LIPA: variants seen among roughly 807,000 people sequenced by gnomAD.
The protein encoded by LIPA is lipase A, lysosomal acid type.
Under a neutral mutation model 40.6 loss-of-function variants are expected in LIPA, and 26 were observed. The observed-to-expected ratio is 0.64, with a 90% confidence interval of 0.47 to 0.89. The LOEUF (loss-of-function observed/expected upper bound fraction) is 0.89. Ranked by LOEUF, LIPA falls within the 40% of genes least tolerant of loss-of-function variation. LIPA has a pLI of 0.00. For synonymous variants in LIPA, 188 were observed against 168.4 expected (o/e 1.12, Z -0.90); for missense variants, 455 against 479.6 (o/e 0.95, Z 0.48).
chr10:89,300,507 A>T (rs1014461256), intron 1 of LIPA, among the ~76,000 whole-genome samples: 1 of 152,212 alleles, frequency 6.6e-6, no homozygotes, highest in Non-Finnish European at 1.5e-5. Flanking sequence ...CTTTGCACGT[A>T]ACAAACACTC....
chr10:89,231,228 A>G (rs958462037), intron 3 of LIPA, among the ~76,000 whole-genome samples: 1 of 152,236 alleles, frequency 6.6e-6, no homozygotes, highest in Admixed American at 6.5e-5. Flanking sequence ...TGTCCAGATG[A>G]TAAGACTATA....
intron 2 of LIPA, among the ~76,000 whole-genome samples, chr10:89,373,353 A>C (rs1052050664): frequency 6.7e-6 from 1 of 149,062 alleles, no homozygotes; most frequent in Non-Finnish European, 1.5e-5. Context: ...AAAAAAAAAA[A>C]AAAAACTGGA....
At chr10:89,414,086 T>C (rs1240012648) in intron 1 of LIPA, among the ~76,000 whole-genome samples, 1 of 152,192 alleles carries the variant, frequency 6.6e-6, no homozygotes, top group African/African-American at 2.4e-5. Context: ...TCTCCTACAA[T>C]TGTGGGTAAG....
intron 2 of LIPA, chr10:89,393,009 G>T: frequency 2.6e-6 from 2 of 766,526 alleles, no homozygotes; most frequent in East Asian, 3.9e-5. Flanking sequence ...GGGAGAAAAT[G>T]ATCCCAATCT....
chr10:89,286,176 T>C (rs1843340102), intron 1 of LIPA, among the ~76,000 whole-genome samples: 1 of 152,096 alleles, frequency 6.6e-6, no homozygotes, highest in African/African-American at 2.4e-5. Flanking sequence ...CTTTTACACA[T>C]CGGTCCCTCG....
At chr10:89,369,092 A>G (rs1333440161) in intron 2 of LIPA, among the ~76,000 whole-genome samples, 1 of 152,202 alleles carries the variant, frequency 6.6e-6, no homozygotes, top group Admixed American at 6.5e-5. Context: ...TGCTGATTCC[A>G]TGGCCTTCTC....
intron 1 of LIPA, among the ~76,000 whole-genome samples, chr10:89,328,846 G>A (rs1843623564): frequency 6.6e-6 from 1 of 152,156 alleles, no homozygotes; most frequent in African/African-American, 2.4e-5. Flanking sequence ...CCTGGAGATG[G>A]TGGGGATTGA....
chr10:89,215,488 G>A (rs1268631590), intron 9 of LIPA, among the ~76,000 whole-genome samples: 5 of 152,158 alleles, frequency 3.3e-5, no homozygotes, highest in Non-Finnish European at 5.9e-5. Flanking sequence ...AGATAATCAC[G>A]TTTACATCAC....
At chr10:89,219,192 G>A (rs1009922362) in intron 8 of LIPA, among the ~76,000 whole-genome samples, 6 of 151,798 alleles carry the variant, frequency 4.0e-5, no homozygotes, top group African/African-American at 1.5e-4. Context: ...AGAGCACATC[G>A]TAATCATCTA....
intron 1 of LIPA, chr10:89,278,334 C>A (rs1274216297): frequency 4.6e-5 from 7 of 152,220 alleles, no homozygotes; most frequent in African/African-American, 1.7e-4. Context: ...AGTTGAGTCA[C>A]TGTGCCCAGA....
At chr10:89,372,078 C>G (rs1156626861) in intron 2 of LIPA, among the ~76,000 whole-genome samples, 1 of 152,176 alleles carries the variant, frequency 6.6e-6, no homozygotes, top group East Asian at 1.9e-4. Flanking sequence ...GGAGGAAGCC[C>G]CTCATAGAGG....
At chr10:89,216,095 G>A (rs1386220813) in intron 8 of LIPA, 86 bp from the exon 9 acceptor site, 20 of 865,528 alleles carry the variant, frequency 2.3e-5, no homozygotes, top group South Asian at 9.3e-5. Context: ...CCACAACCTC[G>A]GAAATCAACT....
intron 1 of LIPA, among the ~76,000 whole-genome samples, chr10:89,264,335 C>A (rs1843224573): frequency 6.6e-6 from 1 of 152,164 alleles, no homozygotes; most frequent in Non-Finnish European, 1.5e-5. Context: ...CTCAGGAGAC[C>A]CAAAGTGGGT....
At chr10:89,341,694 C>A (rs1215264069) in intron 1 of LIPA, among the ~76,000 whole-genome samples, 1 of 152,142 alleles carries the variant, frequency 6.6e-6, no homozygotes, top group East Asian at 1.9e-4. Context: ...GACTGTGGCC[C>A]TAAAGGAGTT....
chr10:89,370,259 C>T (rs1844084660), intron 2 of LIPA, among the ~76,000 whole-genome samples: 1 of 151,208 alleles, frequency 6.6e-6, no homozygotes, highest in Non-Finnish European at 1.5e-5. Context: ...GGATCTGTCT[C>T]TGTTGCCCAG....
At chr10:89,397,563 A>G (rs1844362624) in intron 2 of LIPA, among the ~76,000 whole-genome samples, 1 of 152,096 alleles carries the variant, frequency 6.6e-6, no homozygotes, top group East Asian at 1.9e-4. Flanking sequence ...TTTTATAGAG[A>G]CAGGGTCTTA....
chr10:89,396,522 T>A (rs907844653), intron 2 of LIPA, among the ~76,000 whole-genome samples: 2 of 151,890 alleles, frequency 1.3e-5, no homozygotes, highest in Non-Finnish European at 2.9e-5. Context: ...ATTAATCCAT[T>A]CCCCCAAGAA....
At chr10:89,262,001 T>C (rs1843213523) in intron 1 of LIPA, among the ~76,000 whole-genome samples, 1 of 152,156 alleles carries the variant, frequency 6.6e-6, no homozygotes, top group African/African-American at 2.4e-5. Context: ...TGGGAAGGGG[T>C]ATGTGATCTG....
At chr10:89,379,743 T>C (rs769512410) in intron 2 of LIPA, among the ~76,000 whole-genome samples, 35 of 152,010 alleles carry the variant, frequency 2.3e-4, no homozygotes, top group Middle Eastern at 3.2e-3. Flanking sequence ...GGTCATAAGA[T>C]GTTAGTTGTG....
Sources: allele counts gnomAD v4.1 joint callset (sites outside exome capture counted in the v4.1 genomes callset), GRCh38; gene constraint gnomAD v4.1.1; transcripts MANE v1.5; gene names NCBI Gene and HGNC (gene_info 2026-07-23, HGNC 2026-07-21).